Variants in DNAI2 observed in about 807,000 individuals in gnomAD.
The protein encoded by DNAI2 is dynein, axonemal, intermediate polypeptide 2.
DNAI2 carries 63 observed loss-of-function variants against 74.7 expected under a neutral mutation model. The ratio of observed to expected loss-of-function variants is 0.84; its 90% CI spans 0.69 to 1.04. DNAI2 has a LOEUF of 1.04. Ranked by LOEUF, DNAI2 falls within the 50% of genes least tolerant of loss-of-function variation. The probability of loss-of-function intolerance (pLI) is 0.00; values close to 1 mark genes in which losing one functional copy is unlikely to be tolerated. For missense variants in DNAI2, 688 were observed against 803.2 expected (o/e 0.86, Z 1.73); for synonymous variants, 289 against 314.9 (o/e 0.92, Z 0.87).
rs1033678565 is a variant in DNAI2 at position 74,291,121 on chromosome 17, A to G, written c.712A>G (p.Asn238Asp). The G allele has an allele frequency of 5.6e-6, 9 of 1,612,864 alleles. No homozygotes were observed. Among genetic ancestry groups the G allele is most frequent in the Non-Finnish European group, 6.8e-6 (8 of 1,179,020 alleles). Residue 238 changes from asparagine to aspartate, a missense_variant, in exon 6 of 14, where the codon AAT becomes GAT. Physicochemically the swap from Asn to Asp is conservative, Grantham distance 23. Coordinates refer to ENST00000311014, the MANE Select transcript of DNAI2 (RefSeq NM_023036.6). ...CCACGTACTCCTGGGTGGCTGCTAC[A>G]ATGGACAGATAGGTAAGGAGGGACC... ...DSHVLLGGCY[N>D]GQIACWDTRK...
chr17:74,291,150 G>C lies in DNAI2; in HGVS notation c.724+17G>C, dbSNP rs1283771223. ...GACAGATAGGTAAGGAGGGACCTAGGCTTTTTTATTTTTATTTTTATTTTT... is the reference window on the plus strand; with the variant it reads ...GACAGATAGGTAAGGAGGGACCTAGCCTTTTTTATTTTTATTTTTATTTTT... On this transcript the variant is annotated intron_variant, in intron 6 of 13. Coordinates refer to ENST00000311014, the MANE Select transcript of DNAI2 (RefSeq NM_023036.6). 6.4e-7 allele frequency: 1 copy of C among 1,557,974 alleles called. No homozygotes were observed. The highest frequency in any genetic ancestry group is 1.7e-5 in the Admixed American group (1 of 58,564).
intron 3 of DNAI2, among the ~76,000 whole-genome samples, chr17:74,285,898 G>T (rs1598280194): frequency 1.3e-5 from 2 of 151,914 alleles, no homozygotes; most frequent in South Asian, 4.2e-4. Flanking sequence ...ATTCTGGATG[G>T]AGGAACCAGC....
Position 74,301,090 on chromosome 17 carries a change from TGTG to T in DNAI2, c.910_912del (p.Val304del). 6.2e-7 allele frequency: 1 copy of T among 1,614,066 alleles called. No homozygotes were observed. Among genetic ancestry groups the T allele is most frequent in the Non-Finnish European group, 8.5e-7 (1 of 1,179,986 alleles). On this transcript the variant is annotated inframe_deletion, in exon 8 of 14. Transcript: ENST00000311014. Reference sequence around the variant, plus strand: ...GAAAGATGAGCGAGCCCACTGAAGTTGTGATCTTGGACATCACCAAGAAGGAAC... The same window carrying T: ...GAAAGATGAGCGAGCCCACTGAAGTTATCTTGGACATCACCAAGAAGGAAC...
chr17:74,285,100 C>CCCAAGGA lies in DNAI2; in HGVS notation c.246_252dup (p.Val85GlnfsTer22). 3 of 1,614,178 alleles carry CCCAAGGA rather than the reference C, an allele frequency of 1.9e-6. No individual in the cohort carries two copies. The highest frequency in any genetic ancestry group is 2.5e-6 in the Non-Finnish European group (3 of 1,180,034). On this transcript the variant is annotated frameshift_variant, in exon 3 of 14. Transcript: ENST00000311014. LOFTEE classifies it high-confidence loss of function. ...AGTTAACCATGTCGAGGGGGGCTGG[C>CCCAAGGA]CCAAGGACGTGAACCCCCTGGAGCT... is the stretch of plus-strand genomic sequence containing the variant.
intron 5 of DNAI2, 49 bp downstream of exon 5, chr17:74,289,785 C>G (rs769016733): frequency 1.2e-6 from 2 of 1,611,918 alleles, no homozygotes; most frequent in South Asian, 2.2e-5. Flanking sequence ...AGGGCTGGGA[C>G]CAGCACAAGT....
chr17:74,284,380 T>C (rs568491715), intron 2 of DNAI2, among the ~76,000 whole-genome samples: 4 of 152,314 alleles, frequency 2.6e-5, no homozygotes, highest in South Asian at 4.1e-4. Flanking sequence ...TTGTTAATGA[T>C]AGAGTGAAGA....
At chr17:74,275,807 T>C (rs2051039013) in intron 1 of DNAI2, among the ~76,000 whole-genome samples, 1 of 151,820 alleles carries the variant, frequency 6.6e-6, no homozygotes. Flanking sequence ...CAAGAATCGC[T>C]TGAACTTGGG....
intron 9 of DNAI2, chr17:74,307,454 G>T: frequency 2.7e-6 from 1 of 373,080 alleles, no homozygotes; most frequent in Non-Finnish European, 5.3e-6. Context: ...GATCACTTGA[G>T]GTCAGGAGTT....
At position 74,309,237 on chromosome 17, in the gene DNAI2, G is replaced by A; in HGVS notation, c.1212-16G>A. ...GCCTCTGTCCCTCCAACCATGATGT[G>A]GTCTACCTCCCACAGGTACCACATG... On this transcript the variant is annotated splice_polypyrimidine_tract_variant and intron_variant, in intron 9 of 13. Transcript: ENST00000311014. 6.2e-7 allele frequency: 1 copy of A among 1,613,682 alleles called. No individual in the cohort carries two copies. The highest frequency in any genetic ancestry group is 8.5e-7 in the Non-Finnish European group (1 of 1,179,850).
Position 74,299,822 on chromosome 17 carries a change from G to A in DNAI2, c.829G>A (p.Gly277Ser), listed in dbSNP as rs754203047. 2.5e-6 allele frequency: 4 copies of A among 1,613,428 alleles called. 1 individual carries two copies. The South Asian group carries it at 4.4e-5, about 18-fold the overall frequency. Reference protein sequence around the residue: ...YGTIWLQSKTGTECFSASTDG... With the variant: ...YGTIWLQSKTSTECFSASTDG... ...CACCATCTGGCTGCAGTCGAAGACGGGCACCGAGTGCTTCTCAGCTTCCAC... is the reference window on the plus strand; with the variant it reads ...CACCATCTGGCTGCAGTCGAAGACGAGCACCGAGTGCTTCTCAGCTTCCAC... Residue 277 changes from glycine (G) to serine (S), a missense_variant, in exon 7 of 14, where the codon GGC (glycine) becomes AGC (serine). Coordinates refer to ENST00000311014, the MANE Select transcript of DNAI2 (RefSeq NM_023036.6).
At chr17:74,302,908 C>T (rs2052945730) in intron 8 of DNAI2, among the ~76,000 whole-genome samples, 2 of 152,204 alleles carry the variant, frequency 1.3e-5, no homozygotes, top group Admixed American at 1.3e-4. Flanking sequence ...ATTCCACTGA[C>T]CCCCTCCCCA....
chr17:74,277,140 A>C (rs150010890), intron 1 of DNAI2, among the ~76,000 whole-genome samples: 3,373 of 152,286 alleles, frequency 0.022, 138 homozygotes, highest in African/African-American at 0.077. Context: ...TAATCCCAGC[A>C]CTTTGGGAGG....
At chr17:74,309,496 T>A (rs768739142) in intron 10 of DNAI2, 108 bp downstream of exon 10, 3 of 1,499,588 alleles carry the variant, frequency 2.0e-6, no homozygotes, top group South Asian at 1.1e-5. Flanking sequence ...TGGCCAGGTG[T>A]GTTTGGGCCT....
At chr17:74,276,889 T>A (rs1347475478) in intron 1 of DNAI2, among the ~76,000 whole-genome samples, 1 of 152,184 alleles carries the variant, frequency 6.6e-6, no homozygotes, top group Non-Finnish European at 1.5e-5. Flanking sequence ...TGCAGCCCCA[T>A]GTGGGAGGCA....
chr17:74,281,752 G>T (rs1384424436), intron 1 of DNAI2, 55 bp from the exon 2 acceptor site: 1 of 1,578,288 alleles, frequency 6.3e-7, no homozygotes, highest in African/African-American at 1.3e-5. Context: ...GACCTGTGGA[G>T]ATAGGGAAGG....
intron 6 of DNAI2, among the ~76,000 whole-genome samples, chr17:74,298,889 G>C (rs61689842): frequency 6.6e-6 from 1 of 152,090 alleles, no homozygotes; most frequent in South Asian, 2.1e-4. Flanking sequence ...CTCCTAATGC[G>C]CTAGGATTAC....
chr17:74,277,571 G>T (rs938432328), intron 1 of DNAI2, among the ~76,000 whole-genome samples: 141 of 152,288 alleles, frequency 9.3e-4, no homozygotes, highest in African/African-American at 3.3e-3. Flanking sequence ...TGCCCCAGCT[G>T]CTCCAGGGCC....
chr17:74,294,176 GT>G (rs1396146686), intron 6 of DNAI2, among the ~76,000 whole-genome samples: 2 of 151,782 alleles, frequency 1.3e-5, no homozygotes, highest in African/African-American at 4.8e-5. Flanking sequence ...TACTGATAAA[GT>G]TTACATCTGC....
intron 6 of DNAI2, among the ~76,000 whole-genome samples, chr17:74,296,482 C>G (rs1000704679): frequency 6.6e-6 from 1 of 152,128 alleles, no homozygotes; most frequent in Admixed American, 6.5e-5. Context: ...CTGCCTCAGC[C>G]TCCCAAAGTA....
Sources: gnomAD v4.1 joint callset for allele counts (sites outside exome capture counted in the v4.1 genomes callset) on GRCh38, gnomAD v4.1.1 for gene constraint, MANE v1.5 for transcripts, NCBI Gene and HGNC (gene_info 2026-07-23, HGNC 2026-07-21) for gene names.